Variants in SNX29 observed in about 807,000 individuals in gnomAD.
SNX29 encodes the protein sorting nexin-29.
A neutral mutation model predicts 102.1 loss-of-function variants in SNX29; 78 were observed. The observed-to-expected ratio is 0.76, with a 90% CI of 0.64 to 0.92. SNX29 has a LOEUF of 0.92. Ranked by LOEUF, SNX29 falls within the 40% of genes least tolerant of loss-of-function variation. SNX29 has a pLI of 0.00. For missense variants in SNX29, 1,280 were observed against 1,061.7 expected, an observed-to-expected ratio of 1.21 and a Z score of -2.86; for synonymous variants, 580 against 414.5, an observed-to-expected ratio of 1.40 and a Z score of -4.85.
intron 15 of SNX29, among the ~76,000 whole-genome samples, chr16:12,348,277 G>A (rs1240311973): frequency 3.9e-5 from 6 of 152,184 alleles, no homozygotes; most frequent in Non-Finnish European, 7.3e-5. Context: ...TGAAGCTGTT[G>A]TCGGTGTTGC....
At position 12,277,938 on chromosome 16, in the gene SNX29, A is replaced by G. The variant is rs779113357; in HGVS notation, c.1684A>G (p.Asn562Asp). 1.9e-6 allele frequency: 3 copies of G among 1,606,158 alleles called. No homozygotes were observed. Among genetic ancestry groups the G allele is most frequent in the Non-Finnish European group, 2.6e-6 (3 of 1,176,220 alleles). The change falls in exon 15 of 21, where the codon AAT becomes GAT. Residue 562 changes from asparagine to aspartate, a missense_variant. Transcript: ENST00000566228. ...ATGTCTCTCTTTCTCTAAAGTGCCA[A>G]ATCTTTGGAGTGTTGATGGAGAAGT... The part of the protein sequence containing the change: ...KREGQTAEVP[N>D]LWSVDGEVTV...
At chr16:12,077,906 C>A (rs190237141) in intron 10 of SNX29, among the ~76,000 whole-genome samples, 1 of 152,268 alleles carries the variant, frequency 6.6e-6, no homozygotes, top group Admixed American at 6.5e-5. Context: ...CAGGCATGAG[C>A]CACCACACCT....
At chr16:12,129,056 C>T (rs1596994114) in intron 12 of SNX29, among the ~76,000 whole-genome samples, 1 of 152,160 alleles carries the variant, frequency 6.6e-6, no homozygotes, top group African/African-American at 2.4e-5. Context: ...ATCTCAGATG[C>T]TTTAGTGATA....
At chr16:12,456,746 A>T (rs2086558208) in intron 18 of SNX29, among the ~76,000 whole-genome samples, 1 of 151,436 alleles carries the variant, frequency 6.6e-6, no homozygotes, top group Non-Finnish European at 1.5e-5. Context: ...GCCTGGGGGG[A>T]TGTGTGAAAT....
At chr16:12,548,352 A>C (rs559953515) in intron 20 of SNX29, among the ~76,000 whole-genome samples, 2 of 152,126 alleles carry the variant, frequency 1.3e-5, no homozygotes, top group East Asian at 3.9e-4. Flanking sequence ...GACAGTGGGC[A>C]CTCTGCACCC....
At chr16:12,221,805 G>T (rs1368906155) in intron 14 of SNX29, among the ~76,000 whole-genome samples, 1 of 152,174 alleles carries the variant, frequency 6.6e-6, no homozygotes, top group Non-Finnish European at 1.5e-5. Context: ...GCTCTCCAGC[G>T]TGTCTGTTGA....
chr16:12,557,174 A>T (rs1484021807), intron 20 of SNX29: 2 of 152,166 alleles, frequency 1.3e-5, no homozygotes, highest in African/African-American at 4.8e-5. Flanking sequence ...GCTATGTTCA[A>T]GGTAGATATA....
At chr16:12,432,788 C>G (rs1390708580) in intron 18 of SNX29, among the ~76,000 whole-genome samples, 1 of 152,240 alleles carries the variant, frequency 6.6e-6, no homozygotes, top group African/African-American at 2.4e-5. Flanking sequence ...AATTCAATGG[C>G]AGCTCACAGA....
chr16:12,357,970 G>T (rs769864614), intron 16 of SNX29, among the ~76,000 whole-genome samples: 1 of 152,142 alleles, frequency 6.6e-6, no homozygotes, highest in South Asian at 2.1e-4. Context: ...TAATTTTGCT[G>T]ATTATATGAC....
At chr16:12,222,760 G>T (rs189717464) in intron 14 of SNX29, among the ~76,000 whole-genome samples, 45 of 152,296 alleles carry the variant, frequency 3.0e-4, no homozygotes, top group African/African-American at 1.0e-3. Context: ...GTAGAGATGA[G>T]GTTTTGCCAT....
intron 20 of SNX29, among the ~76,000 whole-genome samples, chr16:12,541,821 C>A (rs551479094): frequency 1.3e-5 from 2 of 152,058 alleles, no homozygotes; most frequent in East Asian, 1.9e-4. Context: ...ACCAAGCTCG[C>A]CTCTTCCCCT....
intron 20 of SNX29, among the ~76,000 whole-genome samples, chr16:12,547,521 G>C (rs551174389): frequency 2.2e-4 from 33 of 152,216 alleles, no homozygotes; most frequent in African/African-American, 7.2e-4. Flanking sequence ...GGGTGTGAGA[G>C]AAAGAGGAAC....
chr16:12,354,370 G>C (rs76421112), intron 15 of SNX29, among the ~76,000 whole-genome samples: 1 of 152,268 alleles, frequency 6.6e-6, no homozygotes, highest in East Asian at 1.9e-4. Flanking sequence ...TGAAAGATTT[G>C]CCTGATGTGG....
chr16:12,325,192 A>C (rs1325656107), intron 15 of SNX29, among the ~76,000 whole-genome samples: 1 of 152,172 alleles, frequency 6.6e-6, no homozygotes, highest in African/African-American at 2.4e-5. Context: ...AAATGTCTGC[A>C]TTTTGACTAT....
intron 9 of SNX29, among the ~76,000 whole-genome samples, chr16:12,062,802 A>G (rs1260065048): frequency 6.6e-6 from 1 of 152,174 alleles, no homozygotes; most frequent in African/African-American, 2.4e-5. Flanking sequence ...GGCAGGGAGC[A>G]TAAACCTACT....
intron 13 of SNX29, among the ~76,000 whole-genome samples, chr16:12,186,045 C>T (rs976426359): frequency 9.2e-5 from 14 of 152,124 alleles, no homozygotes; most frequent in Admixed American, 5.2e-4. Flanking sequence ...TCTTGTTATT[C>T]CCAGATACTG....
chr16:12,452,197 C>A (rs1051076362), intron 18 of SNX29, among the ~76,000 whole-genome samples: 4 of 152,178 alleles, frequency 2.6e-5, no homozygotes, highest in Non-Finnish European at 5.9e-5. Context: ...TGAGATAATG[C>A]CCTTCAGTGA....
chr16:12,189,395 G>A (rs2076588132), intron 13 of SNX29, among the ~76,000 whole-genome samples: 1 of 152,190 alleles, frequency 6.6e-6, no homozygotes, highest in Non-Finnish European at 1.5e-5. Flanking sequence ...TGACGTTTTT[G>A]AAGATGATAG....
intron 3 of SNX29, among the ~76,000 whole-genome samples, chr16:12,015,185 A>G (rs1006003606): frequency 2.0e-5 from 3 of 152,062 alleles, no homozygotes; most frequent in African/African-American, 4.8e-5. Context: ...AATGCTGTGC[A>G]TTTTTATTTT....
Sources: allele counts gnomAD v4.1 joint callset (sites outside exome capture counted in the v4.1 genomes callset), GRCh38; gene constraint gnomAD v4.1.1; transcripts MANE v1.5; gene names NCBI Gene and HGNC (gene_info 2026-07-23, HGNC 2026-07-21).